Variants in RPGRIP1L observed in about 807,000 individuals in gnomAD.
The protein encoded by RPGRIP1L is protein fantom.
A neutral mutation model predicts 160.4 loss-of-function variants in RPGRIP1L; 131 were observed. The ratio of observed to expected loss-of-function variants is 0.82; its 90% CI spans 0.71 to 0.94. RPGRIP1L has a LOEUF of 0.94. Ranked by LOEUF, RPGRIP1L falls within the 40% of genes least tolerant of loss-of-function variation. The pLI is 0.00. For synonymous variants in RPGRIP1L, 510 were observed against 515.8 expected (o/e 0.99, Z 0.15); for missense variants, 1,522 against 1,535.8 (o/e 0.99, Z 0.15).
At chr16:53,684,374 A>T (rs1567877274) in intron 6 of RPGRIP1L, among the ~76,000 whole-genome samples, 1 of 152,230 alleles carries the variant, frequency 6.6e-6, no homozygotes, top group Non-Finnish European at 1.5e-5. Context: ...CTGGATTAAG[A>T]AAATGTGGCA....
At position 53,598,614 on chromosome 16, in the gene RPGRIP1L, G is replaced by C. The variant is rs1207638965; in HGVS notation, c.*3462C>G. ...GTTTCTCTTGCTTTGATATTTTCTA[G>C]CTTTCTGGTTGACCTAGAGGTTGTT... On this transcript the variant is annotated 3_prime_UTR_variant, in exon 27 of 27. Transcript: ENST00000647211. 1 of 152,148 alleles carries C rather than the reference G, an allele frequency of 6.6e-6. No homozygotes were observed. Among genetic ancestry groups the C allele is most frequent in the Non-Finnish European group, 1.5e-5 (1 of 68,022 alleles). 9.4% of individuals were successfully genotyped at this position (152,148 alleles called of 1,614,324 possible).
At chr16:53,673,107 T>C in intron 7 of RPGRIP1L, 91 bp from the exon 8 acceptor site, 1 of 1,247,704 alleles carries the variant, frequency 8.0e-7, no homozygotes, top group Admixed American at 2.0e-5. Context: ...TACAATTCTA[T>C]AAATGAATTT....
In RPGRIP1L at chr16:53,639,128, C is replaced by T. The variant is rs189830485; in HGVS notation, c.2959-717G>A. 5.6e-3 allele frequency among the ~76,000 whole-genome samples: 845 copies of T among 151,838 alleles called. 5 individuals carry two copies. Among genetic ancestry groups the T allele is most frequent in the Non-Finnish European group, 7.3e-3 (497 of 67,832 alleles). On this transcript the variant is annotated intron_variant, in intron 19 of 26. Coordinates refer to ENST00000647211, the MANE Select transcript of RPGRIP1L (RefSeq NM_015272.5). ...TCATCAAATATGAATTTATAGTTAG[C>T]TATTATTCCTGGGTTAACAAACGAA...
chr16:53,663,584 G>T (rs1385467446), intron 10 of RPGRIP1L, among the ~76,000 whole-genome samples: 1 of 151,966 alleles, frequency 6.6e-6, no homozygotes, highest in East Asian at 1.9e-4. Flanking sequence ...ACTCTGTTAG[G>T]TATTTGATAC....
At chr16:53,677,594 A>G (rs897246009) in intron 6 of RPGRIP1L, among the ~76,000 whole-genome samples, 6 of 152,168 alleles carry the variant, frequency 3.9e-5, no homozygotes, top group Admixed American at 3.9e-4. Flanking sequence ...CTGACAATCA[A>G]CTCAACATTT....
intron 2 of RPGRIP1L, among the ~76,000 whole-genome samples, chr16:53,699,804 C>A (rs1038623241): frequency 1.6e-5 from 2 of 124,990 alleles, no homozygotes; most frequent in African/African-American, 6.7e-5. Context: ...GGCGACAGAG[C>A]GAGACTTCGT....
intron 2 of RPGRIP1L, among the ~76,000 whole-genome samples, chr16:53,698,399 T>G (rs78576440): frequency 7.9e-6 from 1 of 125,920 alleles, no homozygotes; most frequent in Non-Finnish European, 1.6e-5. Context: ...CCAGCCGTCC[T>G]GTCTGGGAGA....
At position 53,619,020 on chromosome 16, in the gene RPGRIP1L, C is replaced by T. The variant is rs1964548743; in HGVS notation, c.3616+5G>A. On this transcript the variant is annotated splice_donor_5th_base_variant and intron_variant, in intron 24 of 26. Transcript: ENST00000647211. ...AAGTCTATATTACAAATGAATCATA[C>T]ATACCATTGCTATAGTTATAGTAGA... 2.5e-6 allele frequency: 4 copies of T among 1,604,360 alleles called. No homozygotes were observed. In the Admixed American group the frequency reaches 5.0e-5, roughly 20 times the overall value.
At chr16:53,656,268 T>TGG (rs1453645983) in intron 14 of RPGRIP1L, among the ~76,000 whole-genome samples, 1 of 152,050 alleles carries the variant, frequency 6.6e-6, no homozygotes, top group Non-Finnish European at 1.5e-5. Context: ...GAGATGAGCC[T>TGG]GGGCAACATA....
At position 53,652,902 on chromosome 16, in the gene RPGRIP1L, A is replaced by T. The variant is rs775017742; in HGVS notation, c.1785T>A (p.Asp595Glu). The T allele has an allele frequency of 1.9e-6, 3 of 1,612,924 alleles. No individual in the cohort carries two copies. The highest frequency in any genetic ancestry group is 2.5e-6 in the Non-Finnish European group (3 of 1,179,704). The change falls in exon 15 of 27, where the codon GAT becomes GAA. Residue 595 changes from aspartate (D) to glutamate (E), a missense_variant. Transcript: ENST00000647211. Reference sequence around the variant, plus strand: ...CGCCTCGTTCTAAGTGGATGGTTTCATCAAATTCATCAACAGAGTCATCTG... The same window carrying T: ...CGCCTCGTTCTAAGTGGATGGTTTCTTCAAATTCATCAACAGAGTCATCTG... ...IMPDDSVDEF[D>E]ETIHLERGEN... is the part of the protein sequence containing the mutation.
Position 53,652,659 on chromosome 16 carries a change from A to AT in RPGRIP1L, c.2027dup (p.Asn676LysfsTer6). On this transcript the variant is annotated frameshift_variant, in exon 15 of 27. Transcript: ENST00000647211. LOFTEE classifies it high-confidence loss of function. The stretch of plus-strand genomic sequence containing the variant: ...CCTGGTGGACCTCAAGGGTGATAGT[A>AT]TTCTTCTGAATATATTGCAAAAATA... 1 of 1,613,758 alleles carries AT rather than the reference A, an allele frequency of 6.2e-7. No homozygotes were observed. Among genetic ancestry groups the AT allele is most frequent in the Non-Finnish European group, 8.5e-7 (1 of 1,179,654 alleles).
intron 24 of RPGRIP1L, among the ~76,000 whole-genome samples, chr16:53,614,419 G>T (rs1278708328): frequency 6.6e-6 from 1 of 152,170 alleles, no homozygotes; most frequent in Non-Finnish European, 1.5e-5. Context: ...GTAGCTCTGG[G>T]TTAGGGCCTG....
chr16:53,634,186 T>C lies in RPGRIP1L; in HGVS notation c.3294+2253A>G, dbSNP rs150688838. ...GGCAGAAGAGCAAGATAACTTCTCT[T>C]CAATATCAAGCCCTTTCAAAAGGGT... On this transcript the variant is annotated intron_variant, in intron 22 of 26. Transcript: ENST00000647211. Among the ~76,000 whole-genome samples, 999 of 152,246 alleles carry C rather than the reference T, an allele frequency of 6.6e-3. 14 individuals are homozygous for C. Among genetic ancestry groups the C allele is most frequent in the African/African-American group, 0.022 (913 of 41,540 alleles).
At chr16:53,662,235 C>T (rs1201053228) in intron 10 of RPGRIP1L, among the ~76,000 whole-genome samples, 1 of 152,132 alleles carries the variant, frequency 6.6e-6, no homozygotes, top group Non-Finnish European at 1.5e-5. Context: ...GTGCTAATAT[C>T]TTCAGCTGTG....
chr16:53,647,822 T>C (rs1428039318), intron 16 of RPGRIP1L, among the ~76,000 whole-genome samples: 1 of 152,188 alleles, frequency 6.6e-6, no homozygotes, highest in African/African-American at 2.4e-5. Context: ...TCATGTTATA[T>C]AGACTGGCTG....
intron 5 of RPGRIP1L, among the ~76,000 whole-genome samples, chr16:53,686,951 G>T (rs543962160): frequency 6.6e-6 from 1 of 152,058 alleles, no homozygotes; most frequent in Non-Finnish European, 1.5e-5. Context: ...TAACACTTCA[G>T]AGAGAGAGGG....
At chr16:53,617,495 C>A (rs541069541) in intron 24 of RPGRIP1L, among the ~76,000 whole-genome samples, 7 of 152,238 alleles carry the variant, frequency 4.6e-5, no homozygotes, top group African/African-American at 1.7e-4. Flanking sequence ...GAAATGTTTT[C>A]TTTATACCAA....
At position 53,653,069 on chromosome 16, in the gene RPGRIP1L, A is replaced by C. The variant is rs575472372; in HGVS notation, c.1700-82T>G. 1.7e-4 allele frequency: 190 copies of C among 1,143,858 alleles called. No homozygotes were observed. The African/African-American group carries it at 2.7e-3, about 17-fold the overall frequency. 70.9% of individuals were successfully genotyped at this position (1,143,858 alleles called of 1,614,324 possible). ...AACTGGCTTTTGAAGTGTAAGAATG[A>C]GTACTTCTGGTGAACAGTCTCTATT... is the stretch of plus-strand genomic sequence containing the variant. On this transcript the variant is annotated intron_variant, in intron 14 of 26. Coordinates refer to ENST00000647211, the MANE Select transcript of RPGRIP1L (RefSeq NM_015272.5).
At position 53,669,325 on chromosome 16, in the gene RPGRIP1L, T is replaced by C. The variant is rs569390257; in HGVS notation, c.1103+2185A>G. ...GCTTATGTTACATTAATTTTTCTTT[T>C]GACATTAAATGTTTTGACACTCATT... On this transcript the variant is annotated intron_variant, in intron 9 of 26. Coordinates refer to ENST00000647211, the MANE Select transcript of RPGRIP1L (RefSeq NM_015272.5). 4.6e-5 allele frequency among the ~76,000 whole-genome samples: 7 copies of C among 152,266 alleles called. No individual in the cohort carries two copies. In the East Asian group the frequency reaches 1.3e-3, roughly 29 times the overall value.
Sources: allele counts gnomAD v4.1 joint callset (sites outside exome capture counted in the v4.1 genomes callset), GRCh38; gene constraint gnomAD v4.1.1; transcripts MANE v1.5; gene names NCBI Gene and HGNC (gene_info 2026-07-23, HGNC 2026-07-21).